Variants in GTF2F1 observed in about 807,000 individuals in gnomAD.
The protein encoded by GTF2F1 is general transcription factor IIF subunit 1.
In GTF2F1, 39 loss-of-function variants were observed where a neutral mutation model predicts 63.5. The observed-to-expected ratio is 0.61, with a 90% CI of 0.48 to 0.80. GTF2F1 has a LOEUF of 0.80. Among genes scored for constraint, GTF2F1 ranks in the 30% least tolerant of loss-of-function variants. The probability of loss-of-function intolerance (pLI) is 0.00; values close to 1 mark genes in which losing one functional copy is unlikely to be tolerated. For missense variants in GTF2F1, 657 were observed against 718.3 expected (o/e 0.91, Z 0.97); for synonymous variants, 287 against 285.3 (o/e 1.01, Z -0.06).
At position 6,381,150 on chromosome 19, in the gene GTF2F1, C is replaced by T. The variant is rs759814022; in HGVS notation, c.1064G>A (p.Ser355Asn). The stretch of plus-strand genomic sequence containing the variant: ...CATGAAGAGGGCTGAGGAGGCCTCG[C>T]TGTCAATGTCGCTCTCCTCTGAGCT... ...SDSSEESDID[S>N]EASSALFMAK... is the part of the protein sequence containing the mutation. The change falls in exon 10 of 13, where the codon AGC becomes AAC. Residue 355 changes from serine to asparagine, a missense_variant. Ser to Asn is a conservative substitution (Grantham distance 46). Transcript: ENST00000394456. This position sits in a 1 kb window ranked among gnomAD's most constrained non-coding sequence, Gnocchi z 4.1. The T allele has an allele frequency of 6.2e-7, 1 of 1,611,926 alleles. No individual in the cohort carries two copies. Among genetic ancestry groups the T allele is most frequent in the Non-Finnish European group, 8.5e-7 (1 of 1,179,298 alleles).
At chr19:6,387,148 C>G (rs2091976804) in intron 5 of GTF2F1, 1 of 506,418 alleles carries the variant, frequency 2.0e-6, no homozygotes, top group Non-Finnish European at 3.5e-6. Flanking sequence ...CCACCCTGCT[C>G]TGCCAATTTG....
chr19:6,380,551 CCT>C lies in GTF2F1; in HGVS notation c.1349+20_1349+21del. On this transcript the variant is annotated intron_variant, in intron 12 of 12. Transcript: ENST00000394456. This position sits in a 1 kb window ranked among gnomAD's most constrained non-coding sequence, Gnocchi z 5.3. ...GTCCCCAGTAGCCCTTGCCCTGCCC[CCT>C]GCTGTCCTCGTCAACTTACCCGCTG... 1 of 1,612,978 alleles carries C rather than the reference CCT, an allele frequency of 6.2e-7. No individual in the cohort carries two copies. Among genetic ancestry groups the C allele is most frequent in the African/African-American group, 1.3e-5 (1 of 75,008 alleles).
At chr19:6,385,603 G>GGAGC (rs1353909219) in intron 5 of GTF2F1, among the ~76,000 whole-genome samples, 6 of 152,096 alleles carry the variant, frequency 3.9e-5, no homozygotes, top group Admixed American at 3.3e-4. Flanking sequence ...CAACCAAAGT[G>GGAGC]GAGCAGGCAG....
chr19:6,384,584 G>A (rs1260238377), intron 5 of GTF2F1, among the ~76,000 whole-genome samples: 1 of 151,630 alleles, frequency 6.6e-6, no homozygotes, highest in Non-Finnish European at 1.5e-5. Context: ...GAAAGATAAT[G>A]AAACTGCTGC....
Position 6,393,049 on chromosome 19 carries a change from C to G in GTF2F1, c.-54G>C. ...CCGACCCGGGTTCCTTTCGTCTCCTCTGGCGTGCGCGTCCCTCGATCCCGG... is the reference window on the plus strand; with the variant it reads ...CCGACCCGGGTTCCTTTCGTCTCCTGTGGCGTGCGCGTCCCTCGATCCCGG... On this transcript the variant is annotated 5_prime_UTR_variant, in exon 1 of 13. Coordinates refer to ENST00000394456, the MANE Select transcript of GTF2F1 (RefSeq NM_002096.3). 1 of 1,610,042 alleles carries G rather than the reference C, an allele frequency of 6.2e-7. No individual in the cohort carries two copies. Among genetic ancestry groups the G allele is most frequent in the South Asian group, 1.1e-5 (1 of 91,002 alleles).
rs377361248 is a variant in GTF2F1 at position 6,392,947 on chromosome 19, C to A, written c.12+37G>T. On this transcript the variant is annotated intron_variant, in intron 1 of 12. Coordinates refer to ENST00000394456, the MANE Select transcript of GTF2F1 (RefSeq NM_002096.3). Reference sequence around the variant, plus strand: ...GTGAGTGAGGGGTCGCCGAGGTCGCCGTCGGAACCCCCGAACCCCGCCAAA... The same window carrying A: ...GTGAGTGAGGGGTCGCCGAGGTCGCAGTCGGAACCCCCGAACCCCGCCAAA... 7 of 1,613,946 alleles carry A rather than the reference C, an allele frequency of 4.3e-6. No individual in the cohort carries two copies. In the African/African-American group the frequency reaches 9.3e-5, roughly 22 times the overall value.
chr19:6,389,825 C>T (rs73563892), intron 3 of GTF2F1, 188 bp from the exon 4 acceptor site: 14 of 516,406 alleles, frequency 2.7e-5, no homozygotes, highest in East Asian at 6.3e-5. Flanking sequence ...GCGAGCCTTG[C>T]GCTCTATTTT....
chr19:6,388,570 T>G (rs2091983035), intron 4 of GTF2F1, among the ~76,000 whole-genome samples: 2 of 152,174 alleles, frequency 1.3e-5, no homozygotes, highest in Admixed American at 1.3e-4. Flanking sequence ...CTCCCAGGGC[T>G]GGCCACCTAA....
rs749788471 is a variant in GTF2F1, at chr19:6,387,469, G to C, written c.417C>G (p.Pro139=). The change falls in exon 5 of 13, where the codon CCC becomes CCG. Residue 139 remains proline, a synonymous_variant. Transcript: ENST00000394456. ...GTGTGAAATTGTACCAGTTGTGCAC[G>C]GGGAAGGCCTCGAAGGCCCCGTCGG... The part of the protein sequence containing the change: ...QCPDGAFEAF[P]VHNWYNFTPL... 4 of 1,614,200 alleles carry C rather than the reference G, an allele frequency of 2.5e-6. No homozygotes were observed. Among genetic ancestry groups the C allele is most frequent in the Non-Finnish European group, 3.4e-6 (4 of 1,179,998 alleles).
rs140541374 is a variant in GTF2F1 at position 6,392,897 on chromosome 19, T to C, written c.19A>G (p.Ser7Gly). 3.8e-4 allele frequency: 607 copies of C among 1,614,140 alleles called. No homozygotes were observed. The highest frequency in any genetic ancestry group is 4.0e-4 in the Non-Finnish European group (474 of 1,180,016). ...ACGTATTCAGTGACATTCTGGCTGC[T>C]AGGGCCCTGCGGAAAGAGGAAGCGG... The part of the protein sequence containing the change: MAALGP[S>G]SQNVTEYVVR... Residue 7 changes from serine to glycine, a missense_variant, in exon 2 of 13, where the codon AGC (serine) becomes GGC (glycine). Ser to Gly is a moderately conservative substitution (Grantham distance 56). Transcript: ENST00000394456.
In GTF2F1 at chr19:6,390,544, C is replaced by G. The variant is rs1478904164; in HGVS notation, c.133-907G>C. The G allele has an allele frequency of 7.9e-5, 6 of 76,048 alleles. No homozygotes were observed. In the African/African-American group the frequency reaches 8.8e-4, roughly 11 times the overall value. 4.7% of individuals were successfully genotyped at this position (76,048 alleles called of 1,614,324 possible). A position where few individuals can be genotyped will look rare whatever the true frequency, so the allele number is the denominator to read the frequency against. ...TCTGGGCGACAAAGCAAGACTCAGT[C>G]CCCAAAAAAAAAAAAAAAAAAAAAA... On this transcript the variant is annotated intron_variant, in intron 3 of 12. Coordinates refer to ENST00000394456, the MANE Select transcript of GTF2F1 (RefSeq NM_002096.3).
intron 3 of GTF2F1, 150 bp from the exon 4 acceptor site, chr19:6,389,787 T>C (rs1344626351): frequency 4.8e-6 from 3 of 628,440 alleles, no homozygotes; most frequent in African/African-American, 3.7e-5. Context: ...ACGGTAGCCT[T>C]TGACAAATCT....
chr19:6,383,551 G>C lies in GTF2F1; in HGVS notation c.498-56C>G. On this transcript the variant is annotated intron_variant, in intron 5 of 12. Transcript: ENST00000394456. The surrounding 1 kb of genome is among the most constrained non-coding windows in gnomAD (Gnocchi z 4.5). ...GGGCCTGGCACCACCCTGCATCTGT[G>C]CTTGCAGGGGGCGAGCCCCAGGGCA... 3.2e-6 allele frequency: 5 copies of C among 1,565,998 alleles called. No homozygotes were observed. Among genetic ancestry groups the C allele is most frequent in the Non-Finnish European group, 4.4e-6 (5 of 1,145,334 alleles).
rs201433302 is a variant in GTF2F1 at position 6,381,510 on chromosome 19, G to A, written c.899-32C>T. On this transcript the variant is annotated intron_variant, in intron 8 of 12. Coordinates refer to ENST00000394456, the MANE Select transcript of GTF2F1 (RefSeq NM_002096.3). This position sits in a 1 kb window ranked among gnomAD's most constrained non-coding sequence, Gnocchi z 4.1. ...GGGGCAGGGTATGAGCAAGAGCAGGGAAGCACCGCCCCCATCTCCCCGGCC... is the reference window on the plus strand; with the variant it reads ...GGGGCAGGGTATGAGCAAGAGCAGGAAAGCACCGCCCCCATCTCCCCGGCC... 5.0e-6 allele frequency: 8 copies of A among 1,609,348 alleles called. 1 individual carries two copies. Among genetic ancestry groups the A allele is most frequent in the South Asian group, 3.3e-5 (3 of 91,008 alleles).
Position 6,380,537 on chromosome 19 carries a change from C to A in GTF2F1, c.1349+36G>T. 6.2e-7 allele frequency: 1 copy of A among 1,611,840 alleles called. No homozygotes were observed. Among genetic ancestry groups the A allele is most frequent in the South Asian group, 1.1e-5 (1 of 91,022 alleles). ...GCATCAGTGAGATTGTCCCCAGTAG[C>A]CCTTGCCCTGCCCCCTGCTGTCCTC... On this transcript the variant is annotated intron_variant, in intron 12 of 12. Transcript: ENST00000394456. This position sits in a 1 kb window ranked among gnomAD's most constrained non-coding sequence, Gnocchi z 5.3.
chr19:6,390,628 T>A (rs2091993196), intron 3 of GTF2F1, among the ~76,000 whole-genome samples: 1 of 149,170 alleles, frequency 6.7e-6, no homozygotes, highest in African/African-American at 2.5e-5. Flanking sequence ...ATAAAAAGGC[T>A]GGGCATGGTG....
intron 5 of GTF2F1, among the ~76,000 whole-genome samples, chr19:6,385,458 T>A (rs1176349582): frequency 6.6e-6 from 1 of 150,924 alleles, no homozygotes; most frequent in Non-Finnish European, 1.5e-5. Flanking sequence ...CATCCAGGTT[T>A]TACACAATTC....
intron 5 of GTF2F1, chr19:6,387,052 C>T (rs1010877515): frequency 3.8e-5 from 11 of 292,088 alleles, no homozygotes; most frequent in African/African-American, 1.7e-4. Context: ...AAACCCTCCT[C>T]GGGTGCCCTG....
Position 6,383,375 on chromosome 19 carries a change from G to A in GTF2F1, c.618C>T (p.Arg206=). The A allele has an allele frequency of 6.2e-7, 1 of 1,614,232 alleles. No homozygotes were observed. The highest frequency in any genetic ancestry group is 1.6e-4 in the Middle Eastern group (1 of 6,062). The change falls in exon 6 of 13, where the codon CGC becomes CGT. Residue 206 remains arginine (R), a synonymous_variant. Transcript: ENST00000394456. The surrounding 1 kb of genome is among the most constrained non-coding windows in gnomAD (Gnocchi z 4.5). ...KRGRRKASEL[R]IHDLEDDLEM... is the part of the protein sequence containing the mutation. ...CCAGGTCGTCCTCCAGGTCGTGGAT[G>A]CGCAGCTCGCTCGCCTTCCTGCGGC...
Sources: gnomAD v4.1 joint callset for allele counts (sites outside exome capture counted in the v4.1 genomes callset) on GRCh38, gnomAD v4.1.1 for gene constraint, Gnocchi (gnomAD v3.1) non-coding constraint, MANE v1.5 for transcripts, NCBI Gene and HGNC (gene_info 2026-07-23, HGNC 2026-07-21) for gene names.